The following GALK2 variants were observed in gnomAD, a reference collection of about 807,000 sequenced individuals.
GALK2 encodes the protein galactokinase 2, also known as N-acetylgalactosamine kinase.
A neutral mutation model predicts 52.4 loss-of-function variants in GALK2; 36 were observed. The observed-to-expected ratio is 0.69, with a 90% CI of 0.53 to 0.91. The LOEUF is 0.91. GALK2 is among the 40% of genes least tolerant of loss of function. The pLI is 0.00. For missense variants in GALK2, 579 were observed against 559.1 expected (o/e 1.04, Z -0.36); for synonymous variants, 176 against 199.1 (o/e 0.88, Z 0.98).
At chr15:49,212,344 G>T (rs1214620715) in intron 2 of GALK2, among the ~76,000 whole-genome samples, 1 of 152,106 alleles carries the variant, frequency 6.6e-6, no homozygotes, top group African/African-American at 2.4e-5. Context: ...GCCCACCTTG[G>T]CCTCCCCTCC....
intron 5 of GALK2, among the ~76,000 whole-genome samples, chr15:49,244,449 G>A (rs975849844): frequency 3.3e-5 from 5 of 152,032 alleles, no homozygotes; most frequent in Admixed American, 2.6e-4. Context: ...CATAATCAAA[G>A]GATCAGAAAT....
chr15:49,217,016 A>T (rs1169259283), intron 2 of GALK2, among the ~76,000 whole-genome samples, 174 bp from the exon 3 acceptor site: 1 of 152,086 alleles, frequency 6.6e-6, no homozygotes, highest in Non-Finnish European at 1.5e-5. Context: ...TAGTTGCTCA[A>T]TTTGGTGTAA....
rs540614908 is a variant in GALK2 at position 49,346,165 on chromosome 15, C to T, written c.427-21326C>T. ...TCCATAGTTCACCAAAACAACACTT[C>T]CGTTGTTTTTCAGAAACTTGGGCCA... On this transcript the variant is annotated intron_variant, in intron 3 of 3. Transcript: ENST00000558399. Among the ~76,000 whole-genome samples the T allele has an allele frequency of 6.5e-4, 99 of 152,118 alleles. 3 individuals carry two copies. In the South Asian group the frequency reaches 0.02, roughly 31 times the overall value.
intron 7 of GALK2, among the ~76,000 whole-genome samples, chr15:49,286,651 T>A (rs554538651): frequency 2.0e-5 from 3 of 152,230 alleles, no homozygotes; most frequent in African/African-American, 7.2e-5. Flanking sequence ...TGCTTTAACA[T>A]TGAACTCTTC....
In GALK2 at chr15:49,239,382, T is replaced by A. The variant is rs1693730823; in HGVS notation, c.504+15T>A. On this transcript the variant is annotated intron_variant, in intron 5 of 9. Coordinates refer to ENST00000560031, the MANE Select transcript of GALK2 (RefSeq NM_002044.4). ...ATCTATCCAAGGTAACTACCTTTGA[T>A]AGGAAACCTCATAGAACCCTCTCCT... is the stretch of plus-strand genomic sequence containing the variant. The A allele has an allele frequency of 6.2e-7, 1 of 1,612,020 alleles. No homozygotes were observed. The highest frequency in any genetic ancestry group is 1.3e-5 in the African/African-American group (1 of 74,892).
chr15:49,262,032 T>C (rs1370238719), intron 5 of GALK2, among the ~76,000 whole-genome samples: 1 of 152,196 alleles, frequency 6.6e-6, no homozygotes, highest in African/African-American at 2.4e-5. Context: ...AAATTCTCTT[T>C]TTTGGTTGTG....
At chr15:49,192,525 A>ATATATATATATATATATG (rs1555400547) in intron 1 of GALK2, among the ~76,000 whole-genome samples, 1 of 123,148 alleles carries the variant, frequency 8.1e-6, no homozygotes, top group African/African-American at 3.0e-5. Flanking sequence ...ATATATATAT[A>ATATATATATATATATATG]GTTGGAGGTG....
chr15:49,206,413 G>C (rs2088290456), intron 2 of GALK2, among the ~76,000 whole-genome samples: 1 of 151,884 alleles, frequency 6.6e-6, no homozygotes, highest in Non-Finnish European at 1.5e-5. Flanking sequence ...GATTGCTTTT[G>C]GCAGTATGGT....
At chr15:49,353,844 G>C (rs528751356) in intron 3 of GALK2, 1 of 152,180 alleles carries the variant, frequency 6.6e-6, no homozygotes, top group Admixed American at 6.5e-5. Flanking sequence ...TGCATTACTA[G>C]GTTCTTACCA....
chr15:49,155,830 C>T, exon 1 of GALK2: 1 of 764,398 alleles, frequency 1.3e-6, no homozygotes, highest in Non-Finnish European at 2.2e-6. Context: ...TCCGGTGCTG[C>T]AGGTCTCAGC....
intron 3 of GALK2, among the ~76,000 whole-genome samples, chr15:49,359,169 T>C (rs1028841402): frequency 9.4e-5 from 14 of 149,428 alleles, no homozygotes; most frequent in African/African-American, 3.4e-4. Flanking sequence ...ATTCAGGACA[T>C]AGGCATGGGC....
Position 49,234,731 on chromosome 15 carries a change from T to A in GALK2, c.267-1120T>A, listed in dbSNP as rs189798486. On this transcript the variant is annotated intron_variant, in intron 3 of 9. Coordinates refer to ENST00000560031, the MANE Select transcript of GALK2 (RefSeq NM_002044.4). ...GAATTATGGGAGCTACAATTCAAGA[T>A]GAGATTTGAGTGGGGACACAGCCAA... 8.7e-3 allele frequency among the ~76,000 whole-genome samples: 1,327 copies of A among 151,922 alleles called. 24 individuals are homozygous for A. Among genetic ancestry groups the A allele is most frequent in the African/African-American group, 0.031 (1,275 of 41,426 alleles).
At position 49,292,346 on chromosome 15, in the gene GALK2, G is replaced by C. The variant is rs766107811; in HGVS notation, c.776G>C (p.Ser259Thr). The C allele has an allele frequency of 1.2e-6, 2 of 1,613,980 alleles. No homozygotes were observed. Among genetic ancestry groups the C allele is most frequent in the Non-Finnish European group, 1.7e-6 (2 of 1,179,928 alleles). ...TTGCAGCTCCTGGCTAAATACAAAA[G>C]CTTGCAATGGGACAAAGTACTGAGG... ...LAAKLLAKYK[S>T]LQWDKVLRLE... The change falls in exon 8 of 10, where the codon AGC (serine) becomes ACC (threonine). Residue 259 changes from serine to threonine, a missense_variant. Physicochemically the swap from Ser to Thr is moderately conservative, Grantham distance 58 (BLOSUM62 1). Coordinates refer to ENST00000560031, the MANE Select transcript of GALK2 (RefSeq NM_002044.4).
rs1347140534 is a variant in GALK2, at chr15:49,299,735, T to TTTCTTTCTTTTC, written c.967+7200_967+7201insCTTTCTTTTCTT. ...CTTTCTTTCTTTCTTTCTTTCTTTC[T>TTTCTTTCTTTTC]TTTCTTTCTTTCTTTCTTTCTTTCT... is the stretch of plus-strand genomic sequence containing the variant. On this transcript the variant is annotated intron_variant, in intron 8 of 9. Coordinates refer to ENST00000560031, the MANE Select transcript of GALK2 (RefSeq NM_002044.4). Among the ~76,000 whole-genome samples the TTTCTTTCTTTTC allele has an allele frequency of 1.9e-3, 146 of 77,528 alleles. 1 individual carries two copies. Among genetic ancestry groups the TTTCTTTCTTTTC allele is most frequent in the African/African-American group, 4.4e-3 (80 of 18,030 alleles). The allele number at this position is 77,528 out of a possible 152,430, so 50.9% of individuals were successfully genotyped here.
At chr15:49,220,518 A>G (rs1465851967) in intron 3 of GALK2, among the ~76,000 whole-genome samples, 3 of 151,954 alleles carry the variant, frequency 2.0e-5, no homozygotes, top group Non-Finnish European at 4.4e-5. Flanking sequence ...TATCTTTGCT[A>G]TTGTGAATGG....
At chr15:49,277,689 G>C (rs1454333688) in intron 5 of GALK2, among the ~76,000 whole-genome samples, 20 of 150,358 alleles carry the variant, frequency 1.3e-4, no homozygotes, top group Admixed American at 6.6e-5. Context: ...CCAGCTACTC[G>C]GGTGGCTGAG....
intron 1 of GALK2, among the ~76,000 whole-genome samples, chr15:49,159,588 A>AAAAAT (rs1555393692): frequency 1.5e-4 from 22 of 147,584 alleles, no homozygotes; most frequent in African/African-American, 2.2e-4. Context: ...AAAAAAAAAA[A>AAAAAT]AAAATAAAAT....
intron 5 of GALK2, among the ~76,000 whole-genome samples, chr15:49,269,267 A>G (rs1050055058): frequency 6.6e-6 from 1 of 152,186 alleles, no homozygotes; most frequent in Non-Finnish European, 1.5e-5. Flanking sequence ...TGTACAAGAG[A>G]TCAAATGAAT....
rs80110211 is a variant in GALK2, at chr15:49,328,962, T to C, written c.*803T>C. The C allele has an allele frequency of 3.7e-3, 4,058 of 1,082,184 alleles. 130 individuals carry two copies. In the African/African-American group the frequency reaches 0.062, roughly 16 times the overall value. 67.0% of individuals were successfully genotyped at this position (1,082,184 alleles called of 1,614,324 possible). A position where few individuals can be genotyped will look rare whatever the true frequency, so the allele number is the denominator to read the frequency against. On this transcript the variant is annotated 3_prime_UTR_variant, in exon 10 of 10. Coordinates refer to ENST00000560031, the MANE Select transcript of GALK2 (RefSeq NM_002044.4). ...CTTCTATTCACATTGAAATAAAGAA[T>C]TATCTAGATGATAATTCAGATAATT...
Sources: gnomAD v4.1 joint callset for allele counts (sites outside exome capture counted in the v4.1 genomes callset) on GRCh38, gnomAD v4.1.1 for gene constraint, MANE v1.5 for transcripts, NCBI Gene and HGNC (gene_info 2026-07-23, HGNC 2026-07-21) for gene names.